Variants in TVP23C observed in about 807,000 individuals in gnomAD.
TVP23C encodes trans-golgi network vesicle protein 23 homolog C.
A neutral mutation model predicts 28.7 loss-of-function variants in TVP23C; 19 were observed. That is an observed-to-expected ratio of 0.66 (90% CI 0.46 to 0.97). TVP23C has a LOEUF of 0.97. Among genes scored for constraint, TVP23C ranks in the 50% least tolerant of loss-of-function variants. The pLI is 0.00. For synonymous variants in TVP23C, 68 were observed against 81.7 expected (o/e 0.83, Z 0.90); for missense variants, 186 against 241.3 (o/e 0.77, Z 1.52).
chr17:15,523,482 TG>T (rs1672977604), intron 5 of TVP23C, among the ~76,000 whole-genome samples: 1 of 150,726 alleles, frequency 6.6e-6, no homozygotes, highest in African/African-American at 2.4e-5. Context: ...AGCTAATTTT[TG>T]TATTTTTGTA....
chr17:15,523,153 G>A (rs1467038774), intron 5 of TVP23C, among the ~76,000 whole-genome samples: 1 of 151,076 alleles, frequency 6.6e-6, no homozygotes, highest in Non-Finnish European at 1.5e-5. Context: ...AGGACTACAG[G>A]TGCATGCCGC....
chr17:15,553,666 T>C lies in TVP23C; in HGVS notation c.240+19A>G, dbSNP rs373594345. ...TTTCATATTAAATATAATTTTAAAA[T>C]AAAAACAATCAAAATTACCTTCACT... On this transcript the variant is annotated intron_variant, in intron 3 of 5. Coordinates refer to ENST00000518321, the MANE Select transcript of TVP23C (RefSeq NM_001135036.2). 30 of 1,580,944 alleles carry C rather than the reference T, an allele frequency of 1.9e-5. No homozygotes were observed. Among genetic ancestry groups the C allele is most frequent in the Non-Finnish European group, 2.3e-5 (27 of 1,171,206 alleles).
chr17:15,548,464 C>T (rs1983744332), intron 3 of TVP23C, among the ~76,000 whole-genome samples: 1 of 152,126 alleles, frequency 6.6e-6, no homozygotes, highest in Non-Finnish European at 1.5e-5. Flanking sequence ...CACGCACGGC[C>T]TCAAAATACT....
At chr17:15,506,806 T>A in intron 5 of TVP23C, 1 of 535,296 alleles carries the variant, frequency 1.9e-6, no homozygotes, top group Non-Finnish European at 3.5e-6. Flanking sequence ...ACCGCGAGGG[T>A]CCGCGGCTTC....
chr17:15,550,832 G>T (rs541624439), intron 3 of TVP23C, among the ~76,000 whole-genome samples: 4 of 151,944 alleles, frequency 2.6e-5, no homozygotes, highest in Non-Finnish European at 4.4e-5. Context: ...GCCTTCTTTT[G>T]TTTTTTCTAA....
Position 15,555,192 on chromosome 17 carries a change from C to T in TVP23C, c.95+90G>A, listed in dbSNP as rs1328059864. On this transcript the variant is annotated intron_variant, in intron 2 of 5. Coordinates refer to ENST00000518321, the MANE Select transcript of TVP23C (RefSeq NM_001135036.2). ...TGCAGTATTCACAAGCACATTGAAA[C>T]AACTCTGCCTTGACTCCCATCAGCT... 1.2e-5 allele frequency: 18 copies of T among 1,558,486 alleles called. No individual in the cohort carries two copies. In the East Asian group the frequency reaches 3.8e-4, roughly 33 times the overall value.
intron 5 of TVP23C, among the ~76,000 whole-genome samples, chr17:15,505,104 C>CA (rs150697939): frequency 0.023 from 3,533 of 152,220 alleles, 141 homozygotes; most frequent in African/African-American, 0.078. Flanking sequence ...GTAATGAAGG[C>CA]AGCCATGGGG....
At chr17:15,540,747 T>C (rs1051928997) in intron 5 of TVP23C, among the ~76,000 whole-genome samples, 186 bp from the exon 6 acceptor site, 1 of 152,112 alleles carries the variant, frequency 6.6e-6, no homozygotes, top group African/African-American at 2.4e-5. Flanking sequence ...ATAGACGCTC[T>C]GCACAAGGCA....
chr17:15,506,035 G>A (rs1025301387), intron 5 of TVP23C, among the ~76,000 whole-genome samples: 60 of 152,236 alleles, frequency 3.9e-4, no homozygotes, highest in East Asian at 1.9e-4. Context: ...GCTCCACAGC[G>A]CCCAGTTCCA....
intron 5 of TVP23C, chr17:15,507,283 T>A: frequency 1.3e-6 from 1 of 751,228 alleles, no homozygotes; most frequent in South Asian, 1.4e-5. Context: ...GTGAAGCCCA[T>A]GGAGCGCTTT....
intron 5 of TVP23C, among the ~76,000 whole-genome samples, chr17:15,510,991 T>G (rs1379945671): frequency 6.9e-6 from 1 of 145,826 alleles, no homozygotes; most frequent in Non-Finnish European, 1.5e-5. Flanking sequence ...GAGGCAGAGG[T>G]TGCAGTAAGC....
chr17:15,528,398 G>T (rs1472434423), intron 5 of TVP23C, among the ~76,000 whole-genome samples: 2 of 151,508 alleles, frequency 1.3e-5, no homozygotes, highest in Non-Finnish European at 2.9e-5. Flanking sequence ...TCACATCTTT[G>T]TGAATTTCCC....
intron 5 of TVP23C, among the ~76,000 whole-genome samples, chr17:15,513,289 C>T (rs142072193): frequency 5.3e-5 from 8 of 152,310 alleles, no homozygotes; most frequent in Admixed American, 1.3e-4. Flanking sequence ...CTTACTGAGT[C>T]AGCAATCTGG....
chr17:15,542,055 A>C (rs1444347181), intron 5 of TVP23C, among the ~76,000 whole-genome samples: 44 of 152,230 alleles, frequency 2.9e-4, no homozygotes, highest in Admixed American at 2.9e-3. Flanking sequence ...AAACACAAAT[A>C]AACTAATACC....
At chr17:15,526,935 A>G (rs1982753747) in intron 5 of TVP23C, among the ~76,000 whole-genome samples, 1 of 152,202 alleles carries the variant, frequency 6.6e-6, no homozygotes, top group Non-Finnish European at 1.5e-5. Context: ...ATCTCTGTTA[A>G]ATAAAATTTA....
At chr17:15,516,850 G>A (rs1416023073) in intron 5 of TVP23C, among the ~76,000 whole-genome samples, 1 of 152,178 alleles carries the variant, frequency 6.6e-6, no homozygotes. Flanking sequence ...AACTTCAGGA[G>A]AGAGGCCTTG....
rs1983226645 is a variant in TVP23C at position 15,537,980 on chromosome 17, A to G, written c.*2432T>C. 1.0e-5 allele frequency: 15 copies of G among 1,469,222 alleles called. No homozygotes were observed. The highest frequency in any genetic ancestry group is 1.3e-5 in the Non-Finnish European group (15 of 1,111,456). The allele number at this position is 1,469,222 out of a possible 1,614,324, so 91.0% of individuals were successfully genotyped here. On this transcript the variant is annotated 3_prime_UTR_variant, in exon 6 of 6. Transcript: ENST00000518321. ...AAGGAAATAAAAACTTAATATGAAA[A>G]CTACTTTTCCTTTTTATAAATAAAG... is the stretch of plus-strand genomic sequence containing the variant.
chr17:15,559,016 GGGTCTCGTTAT>G (rs200274439), intron 1 of TVP23C, among the ~76,000 whole-genome samples: 13,736 of 147,660 alleles, frequency 0.093, 1,822 homozygotes, highest in South Asian at 0.25. Flanking sequence ...TGCAGAAATA[GGGTCTCGTTAT>G]GTTGCCCAGG....
chr17:15,555,997 A>ACCT (rs1477092027), intron 1 of TVP23C, among the ~76,000 whole-genome samples: 10 of 152,054 alleles, frequency 6.6e-5, no homozygotes, highest in African/African-American at 2.2e-4. Flanking sequence ...GCTCACTGCA[A>ACCT]CCTCCGCCTC....
Sources: allele counts gnomAD v4.1 joint callset (sites outside exome capture counted in the v4.1 genomes callset), GRCh38; gene constraint gnomAD v4.1.1; transcripts MANE v1.5; gene names NCBI Gene and HGNC (gene_info 2026-07-23, HGNC 2026-07-21).